DNAH17: variants seen among roughly 807,000 people sequenced by gnomAD.
DNAH17 encodes the protein dynein axonemal heavy chain 17.
A neutral mutation model predicts 485.6 loss-of-function variants in DNAH17; 376 were observed. That is an observed-to-expected ratio of 0.77 (90% CI 0.71 to 0.84). DNAH17 has a LOEUF of 0.84. DNAH17 is among the 40% of genes least tolerant of loss of function. DNAH17 has a pLI of 0.00. For missense variants in DNAH17, 6,370 were observed against 5,839.3 expected, an observed-to-expected ratio of 1.09 and a Z score of -2.96; for synonymous variants, 3,031 against 2,405.9, an observed-to-expected ratio of 1.26 and a Z score of -7.60.
rs1947278323 is a variant in DNAH17 at position 78,529,564 on chromosome 17, T to C, written c.3415A>G (p.Thr1139Ala). ...TTCAGGGGCTCAAACATGTTGTCGG[T>C]GGCTGCTTGCCTCTCCTTGACTTTC... The part of the protein sequence containing the change: ...LMKVKERQAA[T>A]DNMFEPLKQT... Residue 1139 changes from threonine to alanine, a missense_variant, in exon 22 of 81, where the codon ACC becomes GCC. Physicochemically the swap from Thr to Ala is moderately conservative, Grantham distance 58. Coordinates refer to ENST00000389840, the MANE Select transcript of DNAH17 (RefSeq NM_173628.4). 1 of 1,613,856 alleles carries C rather than the reference T, an allele frequency of 6.2e-7. No homozygotes were observed. Among genetic ancestry groups the C allele is most frequent in the African/African-American group, 1.3e-5 (1 of 74,910 alleles).
Position 78,485,642 on chromosome 17 carries a change from A to G in DNAH17, c.7391T>C (p.Leu2464Pro). Residue 2464 changes from leucine to proline, a missense_variant, in exon 47 of 81, where the codon CTG becomes CCG. Leu to Pro is a moderately conservative substitution (Grantham distance 98). Coordinates refer to ENST00000389840, the MANE Select transcript of DNAH17 (RefSeq NM_173628.4). Reference sequence around the variant, plus strand: ...CAGGCTTTCCAGCTTGTCCCCCATCAGCACCGACTTGCCCGTCCCCGCGTT... The same window carrying G: ...CAGGCTTTCCAGCTTGTCCCCCATCGGCACCGACTTGCCCGTCCCCGCGTT... ...VGNAGTGKSV[L>P]MGDKLESLNT... The G allele has an allele frequency of 6.2e-7, 1 of 1,613,894 alleles. No homozygotes were observed. Among genetic ancestry groups the G allele is most frequent in the Non-Finnish European group, 8.5e-7 (1 of 1,179,798 alleles).
rs757139586 is a variant in DNAH17 at position 78,569,256 on chromosome 17, AGAG to A, written c.1198-7_1198-5del. On this transcript the variant is annotated splice_region_variant and splice_polypyrimidine_tract_variant and intron_variant, in intron 8 of 80. Coordinates refer to ENST00000389840, the MANE Select transcript of DNAH17 (RefSeq NM_173628.4). The stretch of plus-strand genomic sequence containing the variant: ...CCCAAGGCACGGGCTCTTTGTCCTT[AGAG>A]GAGAGAAAGAGAGATGAGGCCACGT... The A allele has an allele frequency of 1.9e-6, 3 of 1,603,436 alleles. No individual in the cohort carries two copies. The highest frequency in any genetic ancestry group is 2.6e-6 in the Non-Finnish European group (3 of 1,174,874).
chr17:78,551,424 C>T (rs1175781026), intron 16 of DNAH17, 111 bp downstream of exon 16: 2 of 942,812 alleles, frequency 2.1e-6, no homozygotes, highest in East Asian at 2.4e-5. Context: ...GCAGCTCCCA[C>T]TGCACCCCAC....
In DNAH17 at chr17:78,459,777, G is replaced by T; in HGVS notation, c.9653+7C>A. Reference sequence around the variant, plus strand: ...AGCCCCGGCTACGAGGCCCAGCCCCGACTCACTTGAAGGCCTTCAGGCAGG... The same window carrying T: ...AGCCCCGGCTACGAGGCCCAGCCCCTACTCACTTGAAGGCCTTCAGGCAGG... On this transcript the variant is annotated splice_region_variant and intron_variant, in intron 60 of 80. Transcript: ENST00000389840. 6.2e-7 allele frequency: 1 copy of T among 1,613,820 alleles called. No individual in the cohort carries two copies. The highest frequency in any genetic ancestry group is 1.1e-5 in the South Asian group (1 of 91,024).
chr17:78,470,932 T>C (rs1481991301), intron 54 of DNAH17, among the ~76,000 whole-genome samples: 1 of 152,216 alleles, frequency 6.6e-6, no homozygotes, highest in East Asian at 1.9e-4. Context: ...ATGAAAAGTT[T>C]TTTTTAAAGC....
rs377562551 is a variant in DNAH17 at position 78,507,487 on chromosome 17, G to C, written c.4555C>G (p.Arg1519Gly). Residue 1519 changes from arginine (R) to glycine (G), a missense_variant, in exon 28 of 81, where the codon CGC (arginine) becomes GGC (glycine). By Grantham distance (125) the Arg-to-Gly change is moderately radical (BLOSUM62 -2). Transcript: ENST00000389840. ...AATTCCTGGTTGATGTCGTCAAAGC[G>C]CTGGGAGTCCCCCGGGAGCTGGGTG... The part of the protein sequence containing the change: ...IRTQLPGDSQ[R>G]FDDINQEFKA... 19 of 1,612,724 alleles carry C rather than the reference G, an allele frequency of 1.2e-5. No homozygotes were observed. Among genetic ancestry groups the C allele is most frequent in the Non-Finnish European group, 1.5e-5 (18 of 1,178,850 alleles).
chr17:78,526,447 C>G (rs1224823998), intron 24 of DNAH17, among the ~76,000 whole-genome samples: 1 of 152,156 alleles, frequency 6.6e-6, no homozygotes, highest in Non-Finnish European at 1.5e-5. Context: ...GTCTGGGGGG[C>G]TGCTCGGTTT....
chr17:78,535,088 C>G (rs918048703), intron 19 of DNAH17, among the ~76,000 whole-genome samples: 1 of 152,180 alleles, frequency 6.6e-6, no homozygotes, highest in Non-Finnish European at 1.5e-5. Flanking sequence ...CTGGAATGTT[C>G]TGCCTGAGCG....
intron 14 of DNAH17, among the ~76,000 whole-genome samples, chr17:78,555,543 C>CCAAAAAAAA (rs1555693737): frequency 1.3e-5 from 1 of 77,714 alleles, no homozygotes; most frequent in African/African-American, 5.6e-5. Context: ...GATTCCGTCA[C>CCAAAAAAAA]AAAAAAAAAA....
intron 54 of DNAH17, among the ~76,000 whole-genome samples, chr17:78,470,532 T>A (rs1405039824): frequency 1.3e-5 from 2 of 151,844 alleles, no homozygotes; most frequent in Non-Finnish European, 2.9e-5. Flanking sequence ...CTACAAAAAA[T>A]ACAACAATTA....
At chr17:78,471,637 C>T (rs1441931159) in intron 54 of DNAH17, among the ~76,000 whole-genome samples, 3 of 152,206 alleles carry the variant, frequency 2.0e-5, no homozygotes, top group Non-Finnish European at 4.4e-5. Flanking sequence ...AAGGGATCCT[C>T]CTTGCCTTGG....
intron 54 of DNAH17, among the ~76,000 whole-genome samples, chr17:78,471,683 C>T (rs558248935): frequency 5.3e-5 from 8 of 152,100 alleles, no homozygotes; most frequent in Non-Finnish European, 8.8e-5. Context: ...CTTGAGCCAC[C>T]GCTCCCGGCC....
rs34591252 is a variant in DNAH17 at position 78,503,211 on chromosome 17, GCT to G, written c.4957-202_4957-201del. Among the ~76,000 whole-genome samples the G allele has an allele frequency of 0.39, 45,602 of 117,776 alleles. 8,999 individuals carry two copies. The highest frequency in any genetic ancestry group is 0.71 in the East Asian group (2,948 of 4,180). The allele number at this position is 117,776 out of a possible 152,430, so 77.3% of individuals were successfully genotyped here. A position where few individuals can be genotyped will look rare whatever the true frequency, so the allele number is the denominator to read the frequency against. Reference sequence around the variant, plus strand: ...TTTTTTTTTTTTAAGATGGAGTCTTGCTCTGTCACCCAGGCTGGAGTGCAGTG... The same window carrying G: ...TTTTTTTTTTTTAAGATGGAGTCTTGCTGTCACCCAGGCTGGAGTGCAGTG... On this transcript the variant is annotated intron_variant, in intron 31 of 80. Transcript: ENST00000389840.
intron 1 of DNAH17, among the ~76,000 whole-genome samples, chr17:78,576,608 A>G (rs1228437653): frequency 1.3e-5 from 2 of 152,048 alleles, no homozygotes; most frequent in Non-Finnish European, 2.9e-5. Flanking sequence ...TCACGTCGTC[A>G]TTTCCTAGGG....
intron 25 of DNAH17, among the ~76,000 whole-genome samples, chr17:78,516,534 AC>A (rs2090785002): frequency 6.6e-6 from 1 of 152,158 alleles, no homozygotes; most frequent in African/African-American, 2.4e-5. Context: ...TAAAAAAAAT[AC>A]AAAAATTAGC....
intron 27 of DNAH17, 110 bp from the exon 28 acceptor site, chr17:78,507,915 A>T: frequency 1.9e-6 from 2 of 1,071,162 alleles, no homozygotes; most frequent in South Asian, 1.7e-5. Flanking sequence ...GAAAGCAAAA[A>T]GGCTCAAACC....
chr17:78,531,001 A>T (rs542737118), intron 20 of DNAH17, among the ~76,000 whole-genome samples: 3 of 152,206 alleles, frequency 2.0e-5, no homozygotes, highest in African/African-American at 7.2e-5. Flanking sequence ...ATGTTTTCTT[A>T]TTTTATGCAT....
chr17:78,481,542 G>A (rs1274755386), intron 48 of DNAH17, among the ~76,000 whole-genome samples: 5 of 152,142 alleles, frequency 3.3e-5, no homozygotes, highest in African/African-American at 4.8e-5. Flanking sequence ...CTGGGGCTCT[G>A]GGAAGTTGGT....
intron 51 of DNAH17, among the ~76,000 whole-genome samples, chr17:78,477,316 AGT>A (rs1237358202): frequency 1.3e-5 from 2 of 152,096 alleles, no homozygotes; most frequent in African/African-American, 2.4e-5. Context: ...AGTAAGACAG[AGT>A]GTGAGGGCTG....
Sources: allele counts gnomAD v4.1 joint callset (sites outside exome capture counted in the v4.1 genomes callset), GRCh38; gene constraint gnomAD v4.1.1; transcripts MANE v1.5; gene names NCBI Gene and HGNC (gene_info 2026-07-23, HGNC 2026-07-21).